ACTN2: variants seen among roughly 807,000 people sequenced by gnomAD.
ACTN2 encodes the protein actinin alpha 2, also known as alpha-actinin-2.
In ACTN2, 39 loss-of-function variants were observed where a neutral mutation model predicts 113.8. The ratio of observed to expected loss-of-function variants is 0.34; its 90% CI spans 0.27 to 0.45. The LOEUF (loss-of-function observed/expected upper bound fraction) is 0.45, where lower values mean the gene tolerates loss of function less well. ACTN2 is among the 20% of genes least tolerant of loss of function. The pLI is 1.00. For missense variants in ACTN2, 992 were observed against 1,177.9 expected, an observed-to-expected ratio of 0.84 and a Z score of 2.31; for synonymous variants, 429 against 444.1, an observed-to-expected ratio of 0.97 and a Z score of 0.43.
chr1:236,721,371 C>T (rs1418952085), intron 4 of ACTN2, among the ~76,000 whole-genome samples: 1 of 152,086 alleles, frequency 6.6e-6, no homozygotes, highest in Non-Finnish European at 1.5e-5. Context: ...AGAAACAACA[C>T]TTTGCCTACT....
At chr1:236,731,970 A>G (rs960671375) in intron 7 of ACTN2, among the ~76,000 whole-genome samples, 4 of 152,234 alleles carry the variant, frequency 2.6e-5, no homozygotes, top group African/African-American at 7.2e-5. Context: ...TGAAAGCACA[A>G]ATGTGTGGAC....
intron 1 of ACTN2, among the ~76,000 whole-genome samples, chr1:236,701,044 A>G (rs1434643484): frequency 1.3e-5 from 2 of 152,188 alleles, no homozygotes. Flanking sequence ...AGGTGGCTGG[A>G]GTAATTTCAG....
At chr1:236,740,378 T>A (rs1443842670) in intron 10 of ACTN2, among the ~76,000 whole-genome samples, 3 of 151,768 alleles carry the variant, frequency 2.0e-5, no homozygotes, top group African/African-American at 7.3e-5. Flanking sequence ...CCTCCCAAAG[T>A]GCTGGGATGA....
At chr1:236,753,855 AC>A in intron 15 of ACTN2, 91 bp from the exon 16 acceptor site, 1 of 492,248 alleles carries the variant, frequency 2.0e-6, no homozygotes, top group Non-Finnish European at 3.1e-6. Context: ...CTCCACTCCC[AC>A]CCCCACCCCT....
At chr1:236,750,489 A>C (rs1181651702) in intron 14 of ACTN2, among the ~76,000 whole-genome samples, 1 of 152,096 alleles carries the variant, frequency 6.6e-6, no homozygotes, top group Non-Finnish European at 1.5e-5. Flanking sequence ...TGGAAGTCAC[A>C]CTCTTTGTCA....
chr1:236,720,425 C>T (rs1305541651), intron 4 of ACTN2, among the ~76,000 whole-genome samples: 1 of 152,116 alleles, frequency 6.6e-6, no homozygotes, highest in Non-Finnish European at 1.5e-5. Context: ...ACAGAAGTCG[C>T]TTTTTAAAAT....
intron 5 of ACTN2, among the ~76,000 whole-genome samples, chr1:236,726,687 G>C (rs1558235654): frequency 6.6e-6 from 1 of 152,180 alleles, no homozygotes; most frequent in Non-Finnish European, 1.5e-5. Flanking sequence ...GGAAAGATAA[G>C]GATGAACCAC....
At chr1:236,719,748 A>G (rs1658327463) in intron 3 of ACTN2, among the ~76,000 whole-genome samples, 1 of 151,506 alleles carries the variant, frequency 6.6e-6, no homozygotes, top group Non-Finnish European at 1.5e-5. Flanking sequence ...GCAGTGAGCC[A>G]CGGTTGTGTC....
chr1:236,692,645 T>C (rs1278079644), intron 1 of ACTN2, among the ~76,000 whole-genome samples: 1 of 152,216 alleles, frequency 6.6e-6, no homozygotes, highest in African/African-American at 2.4e-5. Flanking sequence ...TGTGGTTTGC[T>C]ACGGAGAATC....
intron 4 of ACTN2, among the ~76,000 whole-genome samples, chr1:236,723,128 T>TTTCTA: frequency 6.6e-6 from 1 of 152,220 alleles, no homozygotes; most frequent in Non-Finnish European, 1.5e-5. Flanking sequence ...TTTGTTTGCT[T>TTTCTA]TTCTAACCTG....
intron 1 of ACTN2, among the ~76,000 whole-genome samples, chr1:236,717,145 T>G (rs1414998359): frequency 6.6e-6 from 1 of 151,608 alleles, no homozygotes; most frequent in Admixed American, 6.6e-5. Flanking sequence ...CTTTGAACAT[T>G]CTTCAAACAT....
At chr1:236,696,301 G>A (rs1657500313) in intron 1 of ACTN2, among the ~76,000 whole-genome samples, 1 of 136,770 alleles carries the variant, frequency 7.3e-6, no homozygotes, top group Admixed American at 7.5e-5. Flanking sequence ...TTCGGTGACA[G>A]AAGAAGACTC....
At position 236,686,766 on chromosome 1, in the gene ACTN2, C is replaced by T. The variant is rs397516586; in HGVS notation, c.93C>T (p.Leu31=). Residue 31 remains leucine, a synonymous_variant, in exon 1 of 21, where the codon CTC becomes CTT. Transcript: ENST00000366578. ...AGGAGGAGTGGGACCGCGACCTGCT[C>T]CTGGACCCAGCCTGGGAGAAGCAGC... is the stretch of plus-strand genomic sequence containing the variant. ...IQEEEWDRDL[L]LDPAWEKQQR... 19 of 1,537,952 alleles carry T rather than the reference C, an allele frequency of 1.2e-5. 1 individual carries two copies. In the South Asian group the frequency reaches 1.8e-4, roughly 15 times the overall value.
intron 6 of ACTN2, among the ~76,000 whole-genome samples, chr1:236,728,906 G>A (rs915252538): frequency 2.0e-5 from 3 of 150,846 alleles, no homozygotes; most frequent in Admixed American, 6.6e-5. Context: ...AAACAAAAAC[G>A]TAGTTACAAT....
At chr1:236,732,223 C>T (rs1377590573) in intron 7 of ACTN2, among the ~76,000 whole-genome samples, 1 of 152,158 alleles carries the variant, frequency 6.6e-6, no homozygotes, top group East Asian at 1.9e-4. Flanking sequence ...CAGCCTCACA[C>T]AGCAGAAATT....
At position 236,751,655 on chromosome 1, in the gene ACTN2, G is replaced by A. The variant is rs749312554; in HGVS notation, c.1839+3G>A. 1.9e-6 allele frequency: 3 copies of A among 1,613,898 alleles called. No individual in the cohort carries two copies. Among genetic ancestry groups the A allele is most frequent in the South Asian group, 2.2e-5 (2 of 91,056 alleles). ...AGCTCCGGACCAAGTGGGACAAGGT[G>A]GGTGGCTGAGGGCCTGGTGTGGGAC... On this transcript the variant is annotated splice_donor_region_variant and intron_variant, in intron 15 of 20. Coordinates refer to ENST00000366578, the MANE Select transcript of ACTN2 (RefSeq NM_001103.4).
At chr1:236,758,454 T>A (rs966315039) in intron 18 of ACTN2, among the ~76,000 whole-genome samples, 2 of 127,438 alleles carry the variant, frequency 1.6e-5, no homozygotes, top group African/African-American at 8.5e-5. Flanking sequence ...CCTGGCTAAT[T>A]TTTTTTTTTT....
Position 236,708,204 on chromosome 1 carries a change from G to A in ACTN2, c.127-9654G>A, listed in dbSNP as rs183362222. On this transcript the variant is annotated intron_variant, in intron 1 of 20. Coordinates refer to ENST00000366578, the MANE Select transcript of ACTN2 (RefSeq NM_001103.4). Reference sequence around the variant, plus strand: ...GAGACCAAGCAGAGATTCGTGGGCAGAGAATAAAAGGGCTGCTGCGTAGTT... The same window carrying A: ...GAGACCAAGCAGAGATTCGTGGGCAAAGAATAAAAGGGCTGCTGCGTAGTT... Among the ~76,000 whole-genome samples, 33 of 152,244 alleles carry A rather than the reference G, an allele frequency of 2.2e-4. No individual in the cohort carries two copies. The Middle Eastern group carries it at 0.01, about 47-fold the overall frequency.
At chr1:236,689,642 G>A (rs916212100) in intron 1 of ACTN2, among the ~76,000 whole-genome samples, 2 of 152,106 alleles carry the variant, frequency 1.3e-5, no homozygotes, top group Non-Finnish European at 2.9e-5. Flanking sequence ...TATGAGCCAC[G>A]ATGCTCAGCC....
Sources: allele counts gnomAD v4.1 joint callset (sites outside exome capture counted in the v4.1 genomes callset), GRCh38; gene constraint gnomAD v4.1.1; transcripts MANE v1.5; gene names NCBI Gene and HGNC (gene_info 2026-07-23, HGNC 2026-07-21).